Variants in DLGAP2 observed in about 807,000 individuals in gnomAD.
DLGAP2 encodes DLG associated protein 2.
Under a neutral mutation model 100.3 loss-of-function variants are expected in DLGAP2, and 26 were observed. The ratio of observed to expected loss-of-function variants is 0.26; its 90% confidence interval spans 0.19 to 0.36. The LOEUF is 0.36. Among genes scored for constraint, DLGAP2 ranks in the 10% least tolerant of loss-of-function variants. The pLI, the probability that DLGAP2 is intolerant of heterozygous loss-of-function variation, is 1.00. For missense variants in DLGAP2, 1,858 were observed against 1,453.2 expected, an observed-to-expected ratio of 1.28 and a Z score of -4.53; for synonymous variants, 886 against 630.1, an observed-to-expected ratio of 1.41 and a Z score of -6.08.
chr8:1,130,787 C>T (rs1796275996), intron 2 of DLGAP2, among the ~76,000 whole-genome samples: 1 of 152,196 alleles, frequency 6.6e-6, no homozygotes, highest in Admixed American at 6.5e-5. Flanking sequence ...AAGTGTGGCA[C>T]AGCACGCCCC....
intron 6 of DLGAP2, among the ~76,000 whole-genome samples, chr8:1,568,773 A>G (rs533576319): frequency 2.1e-4 from 27 of 127,242 alleles, no homozygotes; most frequent in Non-Finnish European, 3.9e-4. Context: ...CACTCAGCAG[A>G]CACAAATCCG....
chr8:869,368 C>A (rs927975434), intron 1 of DLGAP2, among the ~76,000 whole-genome samples: 5 of 152,134 alleles, frequency 3.3e-5, no homozygotes, highest in African/African-American at 1.2e-4. Flanking sequence ...GATCCTGAAT[C>A]CGAGATTTAT....
At chr8:753,299 G>C (rs1367180257) in intron 1 of DLGAP2, among the ~76,000 whole-genome samples, 1 of 152,166 alleles carries the variant, frequency 6.6e-6, no homozygotes, top group Non-Finnish European at 1.5e-5. Flanking sequence ...CACCAGTGCC[G>C]GGAGGTCAGG....
intron 3 of DLGAP2, among the ~76,000 whole-genome samples, chr8:1,323,763 G>A (rs1459677618): frequency 6.6e-6 from 1 of 152,186 alleles, no homozygotes; most frequent in African/African-American, 2.4e-5. Flanking sequence ...GTGCCACCCA[G>A]GACACCTTTT....
chr8:1,520,281 G>A (rs528312445), intron 4 of DLGAP2, among the ~76,000 whole-genome samples: 1 of 152,262 alleles, frequency 6.6e-6, no homozygotes, highest in African/African-American at 2.4e-5. Flanking sequence ...GGAAAACGCT[G>A]GGGCACACGG....
intron 3 of DLGAP2, among the ~76,000 whole-genome samples, chr8:1,494,751 AGAAAC>A (rs1459961226): frequency 3.9e-5 from 6 of 151,990 alleles, no homozygotes; most frequent in African/African-American, 1.4e-4. Flanking sequence ...AGAAAAGAAA[AGAAAC>A]GAGGTGCCAC....
At chr8:1,631,108 C>G (rs1046062254) in intron 7 of DLGAP2, among the ~76,000 whole-genome samples, 1 of 152,186 alleles carries the variant, frequency 6.6e-6, no homozygotes, top group African/African-American at 2.4e-5. Flanking sequence ...CCTGCTGGAC[C>G]ATCTTGAGAT....
intron 2 of DLGAP2, among the ~76,000 whole-genome samples, chr8:982,775 G>A (rs749674975): frequency 4.6e-5 from 7 of 151,856 alleles, no homozygotes; most frequent in African/African-American, 1.5e-4. Context: ...GCTACCTTTC[G>A]TATGGAGCTT....
At chr8:906,392 G>A (rs942663104) in intron 1 of DLGAP2, among the ~76,000 whole-genome samples, 1 of 152,222 alleles carries the variant, frequency 6.6e-6, no homozygotes, top group Non-Finnish European at 1.5e-5. Flanking sequence ...TCCCTCCTGA[G>A]GGGGTGGGTT....
At chr8:1,522,960 C>G (rs1313901970) in intron 4 of DLGAP2, among the ~76,000 whole-genome samples, 1 of 152,172 alleles carries the variant, frequency 6.6e-6, no homozygotes, top group Non-Finnish European at 1.5e-5. Context: ...TTTAAAGTAA[C>G]TTAAATGCAT....
At chr8:1,614,618 G>A (rs78212361) in intron 6 of DLGAP2, among the ~76,000 whole-genome samples, 2,520 of 152,334 alleles carry the variant, frequency 0.017, 60 homozygotes, top group African/African-American at 0.057. Flanking sequence ...GCCCCCTGTG[G>A]CACAGCCTCT....
chr8:1,388,815 G>A (rs1185063818), intron 3 of DLGAP2, among the ~76,000 whole-genome samples: 24 of 123,722 alleles, frequency 1.9e-4, no homozygotes, highest in African/African-American at 4.7e-4. Context: ...GGCAGAGGCC[G>A]TGGATGAGGA....
chr8:1,658,283 G>A (rs1041721839), intron 8 of DLGAP2, among the ~76,000 whole-genome samples: 1 of 152,042 alleles, frequency 6.6e-6, no homozygotes, highest in Non-Finnish European at 1.5e-5. Context: ...AATGTACCTG[G>A]CTTCCAGGTA....
chr8:1,051,589 C>A (rs116582721), intron 2 of DLGAP2, among the ~76,000 whole-genome samples: 77 of 152,276 alleles, frequency 5.1e-4, no homozygotes, highest in African/African-American at 1.7e-3. Context: ...AATAGACTTG[C>A]TACTATGTAA....
intron 8 of DLGAP2, among the ~76,000 whole-genome samples, chr8:1,668,086 G>A (rs1245202241): frequency 6.6e-6 from 1 of 152,248 alleles, no homozygotes. Context: ...GTCCTGCAGG[G>A]ACGCACCTTG....
intron 1 of DLGAP2, among the ~76,000 whole-genome samples, chr8:845,650 T>C (rs1797058805): frequency 6.6e-6 from 1 of 152,244 alleles, no homozygotes; most frequent in African/African-American, 2.4e-5. Context: ...CTTTGAAGCA[T>C]AGATGTTTTA....
intron 1 of DLGAP2, among the ~76,000 whole-genome samples, chr8:808,149 C>T (rs544145693): frequency 4.6e-5 from 7 of 152,266 alleles, no homozygotes; most frequent in East Asian, 3.9e-4. Context: ...CGTGGGTCTT[C>T]GGCTTTCTGT....
At chr8:1,667,987 C>T (rs1400593540) in intron 8 of DLGAP2, among the ~76,000 whole-genome samples, 3 of 150,828 alleles carry the variant, frequency 2.0e-5, no homozygotes, top group East Asian at 1.9e-4. Context: ...GCCACACCTG[C>T]GCACTGTCCT....
chr8:1,672,715 G>C (rs1457977153), intron 10 of DLGAP2, among the ~76,000 whole-genome samples: 2 of 152,090 alleles, frequency 1.3e-5, no homozygotes, highest in Non-Finnish European at 2.9e-5. Context: ...ACAGGCAGCT[G>C]CTCTTCCTCA....
Sources: allele counts gnomAD v4.1 joint callset (sites outside exome capture counted in the v4.1 genomes callset), GRCh38; gene constraint gnomAD v4.1.1; transcripts MANE v1.5; gene names NCBI Gene and HGNC (gene_info 2026-07-23, HGNC 2026-07-21).